Variants in GNAT3 observed in about 807,000 individuals in gnomAD.
The protein encoded by GNAT3 is G protein subunit alpha transducin 3, also known as guanine nucleotide-binding protein G(t) subunit alpha-3.
In GNAT3, 31 loss-of-function variants were observed where a neutral mutation model predicts 37.7. The observed-to-expected ratio is 0.82, with a 90% CI of 0.62 to 1.11. GNAT3 has a LOEUF of 1.11. Among genes scored for constraint, GNAT3 ranks in the 50% most tolerant of loss-of-function variants. The pLI is 0.00. For synonymous variants in GNAT3, 138 were observed against 139.8 expected (o/e 0.99, Z 0.09); for missense variants, 437 against 412.5 (o/e 1.06, Z -0.51).
chr7:80,477,769 T>A (rs1222393418), intron 4 of GNAT3, among the ~76,000 whole-genome samples: 1 of 152,132 alleles, frequency 6.6e-6, no homozygotes, highest in Admixed American at 6.6e-5. Flanking sequence ...GGGGAGTTCA[T>A]CAAAAGAACT....
At chr7:80,483,341 T>G (rs770970332) in intron 3 of GNAT3, among the ~76,000 whole-genome samples, 9 of 152,108 alleles carry the variant, frequency 5.9e-5, no homozygotes, top group Admixed American at 3.9e-4. Context: ...TTTAAAGAAT[T>G]ACAATTCTTT....
At chr7:80,466,111 T>A (rs1315251012) in intron 5 of GNAT3, among the ~76,000 whole-genome samples, 1 of 152,106 alleles carries the variant, frequency 6.6e-6, no homozygotes, top group African/African-American at 2.4e-5. Flanking sequence ...AAAAAACCCC[T>A]TTCCATTGCT....
intron 7 of GNAT3, among the ~76,000 whole-genome samples, chr7:80,461,380 T>C (rs1242460350): frequency 6.6e-6 from 1 of 152,036 alleles, no homozygotes; most frequent in Non-Finnish European, 1.5e-5. Flanking sequence ...GAAACCCCAT[T>C]ACTACTGAAA....
chr7:80,511,728 A>G, intron 1 of GNAT3, 81 bp downstream of exon 1: 1 of 814,602 alleles, frequency 1.2e-6, no homozygotes, highest in Non-Finnish European at 2.0e-6. Flanking sequence ...AATACACTCG[A>G]AATTAAAGTC....
intron 3 of GNAT3, among the ~76,000 whole-genome samples, chr7:80,483,798 G>C (rs1584180928): frequency 1.3e-5 from 2 of 152,034 alleles, no homozygotes; most frequent in South Asian, 4.2e-4. Flanking sequence ...CCTCAATGAA[G>C]CCTTCTCTAA....
chr7:80,494,559 T>C (rs377756371), intron 2 of GNAT3, 46 bp downstream of exon 2: 9 of 999,928 alleles, frequency 9.0e-6, no homozygotes, highest in Non-Finnish European at 1.4e-5. Context: ...GTCAAATACA[T>C]GGACAGACAT....
chr7:80,476,056 G>A (rs1790296854), intron 4 of GNAT3, among the ~76,000 whole-genome samples: 1 of 151,806 alleles, frequency 6.6e-6, no homozygotes, highest in Non-Finnish European at 1.5e-5. Flanking sequence ...TGTGTTGTTG[G>A]TCAGTTAGTT....
chr7:80,499,603 C>A (rs1790796165), intron 1 of GNAT3, among the ~76,000 whole-genome samples: 1 of 152,198 alleles, frequency 6.6e-6, no homozygotes, highest in Non-Finnish European at 1.5e-5. Flanking sequence ...GCTTATCATT[C>A]ACAGGTAGAC....
chr7:80,493,415 A>G (rs1193171741), intron 2 of GNAT3, among the ~76,000 whole-genome samples: 1 of 152,200 alleles, frequency 6.6e-6, no homozygotes, highest in Non-Finnish European at 1.5e-5. Flanking sequence ...AAGCTTAAAT[A>G]TTGGTTGATA....
At position 80,458,703 on chromosome 7, in the gene GNAT3, T is replaced by A; in HGVS notation, c.1033A>T (p.Lys345Ter). 6.3e-7 allele frequency: 1 copy of A among 1,585,044 alleles called. No individual in the cohort carries two copies. Among genetic ancestry groups the A allele is most frequent in the Non-Finnish European group, 8.6e-7 (1 of 1,166,578 alleles). The change falls in exon 8 of 8, where the codon AAA (lysine) becomes TAA (stop). Residue 345 changes from lysine (K) to a stop codon, truncating the protein, a stop_gained. Transcript: ENST00000398291. LOFTEE classifies it high-confidence loss of function. Reference sequence around the variant, plus strand: ...AGCCCACAGTCTTTTAGATTCTCTTTGATTATTATATCTGTAACTGCGTCA... The same window carrying A: ...AGCCCACAGTCTTTTAGATTCTCTTAGATTATTATATCTGTAACTGCGTCA... ...VFDAVTDIII[K>*]ENLKDCGLF is the part of the protein sequence containing the mutation.
rs1432759556 is a variant in GNAT3, at chr7:80,505,209, G to A, written c.118+6600C>T. Among the ~76,000 whole-genome samples, 9 of 152,226 alleles carry A rather than the reference G, an allele frequency of 5.9e-5. No individual in the cohort carries two copies. The South Asian group carries it at 1.2e-3, about 21-fold the overall frequency. On this transcript the variant is annotated intron_variant, in intron 1 of 7. Transcript: ENST00000398291. ...AATGTCAATTAAGGTAGAAGATTAC[G>A]GAGGTGAAATACTCCTGAATTTTAG...
chr7:80,512,043 T>C lies in GNAT3; in HGVS notation c.-117A>G. ...CTCTGCTGAAGTACCTAGCAGTCCA[T>C]TCCCTAATGCTCTAAGATTCTGCTT... On this transcript the variant is annotated 5_prime_UTR_variant, in exon 1 of 8. An upstream start codon of the reference 5' UTR is lost. Transcript: ENST00000398291. 3.1e-6 allele frequency: 2 copies of C among 653,868 alleles called. No homozygotes were observed. Among genetic ancestry groups the C allele is most frequent in the South Asian group, 1.8e-5 (1 of 55,206 alleles). 40.5% of individuals were successfully genotyped at this position (653,868 alleles called of 1,614,324 possible).
At chr7:80,493,285 G>C (rs972271819) in intron 2 of GNAT3, among the ~76,000 whole-genome samples, 1 of 152,078 alleles carries the variant, frequency 6.6e-6, no homozygotes, top group African/African-American at 2.4e-5. Context: ...AATGCCAGAT[G>C]ACTTAGTTGC....
At chr7:80,459,707 A>G (rs1031782485) in intron 7 of GNAT3, among the ~76,000 whole-genome samples, 16 of 152,208 alleles carry the variant, frequency 1.1e-4, no homozygotes, top group African/African-American at 3.9e-4. Context: ...TTGACACAGA[A>G]TAGAGCAGTA....
rs762400740 is a variant in GNAT3, at chr7:80,462,483, G to A, written c.720+19C>T. On this transcript the variant is annotated intron_variant, in intron 6 of 7. Transcript: ENST00000398291. ...AAAGATTACTTTTAACCCTGGCTTT[G>A]TTTTTCCTTTAGACTTACCACTTCT... The A allele has an allele frequency of 1.2e-6, 2 of 1,609,086 alleles. No individual in the cohort carries two copies. Among genetic ancestry groups the A allele is most frequent in the Non-Finnish European group, 8.5e-7 (1 of 1,178,468 alleles).
intron 3 of GNAT3, among the ~76,000 whole-genome samples, chr7:80,484,601 A>T (rs942230228): frequency 6.6e-6 from 1 of 152,138 alleles, no homozygotes; most frequent in African/African-American, 2.4e-5. Context: ...ATGCTCCAAA[A>T]TAGGATATAA....
chr7:80,503,757 G>A (rs1790879834), intron 1 of GNAT3, among the ~76,000 whole-genome samples: 1 of 152,200 alleles, frequency 6.6e-6, no homozygotes, highest in Non-Finnish European at 1.5e-5. Context: ...ATCTCCCAAA[G>A]TGTGATCAGG....
chr7:80,462,476 T>TGA, intron 6 of GNAT3, 26 bp downstream of exon 6: 1 of 1,608,372 alleles, frequency 6.2e-7, no homozygotes, highest in Non-Finnish European at 8.5e-7. Flanking sequence ...CTTTTAACCC[T>TGA]GGCTTTGTTT....
At chr7:80,486,262 C>T (rs1220328673) in intron 3 of GNAT3, among the ~76,000 whole-genome samples, 1 of 152,106 alleles carries the variant, frequency 6.6e-6, no homozygotes, top group Non-Finnish European at 1.5e-5. Flanking sequence ...TATAGGTACT[C>T]TTGAGAAGTT....
Sources: allele counts gnomAD v4.1 joint callset (sites outside exome capture counted in the v4.1 genomes callset), GRCh38; gene constraint gnomAD v4.1.1; transcripts MANE v1.5; gene names NCBI Gene and HGNC (gene_info 2026-07-23, HGNC 2026-07-21).